Variants in SNX29 observed in about 807,000 individuals in gnomAD.
SNX29 encodes sorting nexin 29, also known as sorting nexin-29.
Under a neutral mutation model 102.1 loss-of-function variants are expected in SNX29, and 78 were observed. The observed-to-expected ratio is 0.76, with a 90% CI of 0.64 to 0.92. The LOEUF is 0.92. SNX29 is among the 40% of genes least tolerant of loss of function. The pLI is 0.00. For synonymous variants in SNX29, 580 were observed against 414.5 expected (o/e 1.40, Z -4.85); for missense variants, 1,280 against 1,061.7 (o/e 1.21, Z -2.86).
chr16:12,569,471 C>T lies in SNX29; in HGVS notation c.*842C>T, dbSNP rs1177766036. Reference sequence around the variant, plus strand: ...CCCTACAGTCATGAGAGACTTGGGTCAGGGAACCACTGCAGAAGGTTCCAG... The same window carrying T: ...CCCTACAGTCATGAGAGACTTGGGTTAGGGAACCACTGCAGAAGGTTCCAG... On this transcript the variant is annotated 3_prime_UTR_variant, in exon 21 of 21. Transcript: ENST00000566228. The T allele has an allele frequency of 1.7e-5, 4 of 231,332 alleles. No homozygotes were observed. The highest frequency in any genetic ancestry group is 3.4e-5 in the Non-Finnish European group (4 of 116,948). The allele number at this position is 231,332 out of a possible 1,614,324, so 14.3% of individuals were successfully genotyped here.
At chr16:12,324,177 T>G (rs1732288800) in intron 15 of SNX29, among the ~76,000 whole-genome samples, 1 of 151,718 alleles carries the variant, frequency 6.6e-6, no homozygotes, top group Admixed American at 6.6e-5. Flanking sequence ...CATGGGCTTT[T>G]GGGGGGGTCC....
intron 20 of SNX29, among the ~76,000 whole-genome samples, chr16:12,566,304 C>CA (rs1328595827): frequency 6.6e-6 from 1 of 152,188 alleles, no homozygotes; most frequent in East Asian, 1.9e-4. Context: ...CACGTGCCTC[C>CA]AAGCTATGTC....
At chr16:12,551,612 C>G (rs993078906) in intron 20 of SNX29, among the ~76,000 whole-genome samples, 2 of 152,190 alleles carry the variant, frequency 1.3e-5, no homozygotes, top group African/African-American at 4.8e-5. Context: ...ACAATTAGAT[C>G]TGAGTCTGAG....
intron 11 of SNX29, among the ~76,000 whole-genome samples, chr16:12,115,915 C>T (rs1040440706): frequency 6.6e-6 from 1 of 152,222 alleles, no homozygotes; most frequent in Non-Finnish European, 1.5e-5. Flanking sequence ...CTTAGGGGAG[C>T]AGCTGTCTTC....
Position 12,565,259 on chromosome 16 carries a change from C to A in SNX29, c.2319-3247C>A, listed in dbSNP as rs564815078. 6.6e-5 allele frequency among the ~76,000 whole-genome samples: 10 copies of A among 152,338 alleles called. No individual in the cohort carries two copies. The East Asian group carries it at 1.7e-3, about 26-fold the overall frequency. On this transcript the variant is annotated intron_variant, in intron 20 of 20. Coordinates refer to ENST00000566228, the MANE Select transcript of SNX29 (RefSeq NM_032167.5). Reference sequence around the variant, plus strand: ...TCTCAATCTATAAAGATGGCAGTTGCAAGAGGTTCAGCCTCACATACGCCA... The same window carrying A: ...TCTCAATCTATAAAGATGGCAGTTGAAAGAGGTTCAGCCTCACATACGCCA...
intron 18 of SNX29, among the ~76,000 whole-genome samples, chr16:12,416,097 C>G (rs546116769): frequency 6.6e-6 from 1 of 152,258 alleles, no homozygotes; most frequent in South Asian, 2.1e-4. Flanking sequence ...CAACTACAGC[C>G]CCTTTGCATC....
At chr16:12,071,286 G>A (rs1168206735) in intron 10 of SNX29, among the ~76,000 whole-genome samples, 2 of 152,050 alleles carry the variant, frequency 1.3e-5, no homozygotes, top group Admixed American at 1.3e-4. Context: ...TTTCTTATAG[G>A]GTTTTTATGG....
At chr16:12,309,469 C>T (rs1384621312) in intron 15 of SNX29, among the ~76,000 whole-genome samples, 5 of 152,132 alleles carry the variant, frequency 3.3e-5, no homozygotes, top group Non-Finnish European at 7.4e-5. Flanking sequence ...CTCTCTTGGC[C>T]CCTCTGTCTC....
chr16:12,362,310 A>G (rs2082322946), intron 16 of SNX29, among the ~76,000 whole-genome samples: 1 of 152,196 alleles, frequency 6.6e-6, no homozygotes, highest in African/African-American at 2.4e-5. Context: ...CTGGCAGTCC[A>G]CAGGGCTCAG....
intron 14 of SNX29, among the ~76,000 whole-genome samples, chr16:12,241,188 G>T (rs1444175548): frequency 6.6e-6 from 1 of 152,084 alleles, no homozygotes; most frequent in Non-Finnish European, 1.5e-5. Context: ...AGCTGCCTAG[G>T]TTGCTTTTAA....
At chr16:12,132,167 C>T (rs1037927957) in intron 13 of SNX29, among the ~76,000 whole-genome samples, 5 of 150,768 alleles carry the variant, frequency 3.3e-5, no homozygotes, top group Admixed American at 2.7e-4. Flanking sequence ...GGCATGATCT[C>T]GGCTCACTGC....
Position 12,573,247 on chromosome 16 carries a change from C to T in SNX29, c.*4618C>T, listed in dbSNP as rs1275140676. On this transcript the variant is annotated 3_prime_UTR_variant, in exon 21 of 21. Transcript: ENST00000566228. ...TCATCCCATGGTTGTTGAAATGTAC[C>T]TCGATCAGTCATCTCTGGTATTCCT... 2 of 227,032 alleles carry T rather than the reference C, an allele frequency of 8.8e-6. No homozygotes were observed. The highest frequency in any genetic ancestry group is 2.2e-5 in the African/African-American group (1 of 45,026). 14.1% of individuals were successfully genotyped at this position (227,032 alleles called of 1,614,324 possible).
At chr16:12,530,624 C>G (rs556185542) in intron 20 of SNX29, among the ~76,000 whole-genome samples, 4 of 151,776 alleles carry the variant, frequency 2.6e-5, no homozygotes, top group Admixed American at 2.0e-4. Context: ...GGCGCAATCT[C>G]AGCTCACTGC....
chr16:12,272,154 G>C (rs1281278944), intron 14 of SNX29, among the ~76,000 whole-genome samples: 2 of 152,134 alleles, frequency 1.3e-5, no homozygotes, highest in Non-Finnish European at 2.9e-5. Context: ...AGGTCAAAAA[G>C]CTTATTTCTG....
chr16:12,446,442 C>A (rs556404727), intron 18 of SNX29, among the ~76,000 whole-genome samples: 2 of 152,186 alleles, frequency 1.3e-5, no homozygotes, highest in East Asian at 1.9e-4. Flanking sequence ...TGTTCTTTAT[C>A]ATCTGGTGGG....
intron 18 of SNX29, among the ~76,000 whole-genome samples, chr16:12,441,840 G>C (rs376948139): frequency 6.6e-6 from 1 of 152,140 alleles, no homozygotes; most frequent in East Asian, 1.9e-4. Flanking sequence ...CCAGGCTGGC[G>C]TGCAGTGGCG....
Position 12,572,115 on chromosome 16 carries a change from G to A in SNX29, c.*3486G>A. 6.8e-6 allele frequency: 7 copies of A among 1,036,788 alleles called. No individual in the cohort carries two copies. Among genetic ancestry groups the A allele is most frequent in the South Asian group, 4.7e-5 (1 of 21,412 alleles). 64.2% of individuals were successfully genotyped at this position (1,036,788 alleles called of 1,614,324 possible). A position where few individuals can be genotyped will look rare whatever the true frequency, so the allele number is the denominator to read the frequency against. Reference sequence around the variant, plus strand: ...GGGATGTGGACTGGGTCTGATCACAGCCCTTGGCCCTGCTTCATACTTTGG... The same window carrying A: ...GGGATGTGGACTGGGTCTGATCACAACCCTTGGCCCTGCTTCATACTTTGG... On this transcript the variant is annotated 3_prime_UTR_variant, in exon 21 of 21. Coordinates refer to ENST00000566228, the MANE Select transcript of SNX29 (RefSeq NM_032167.5).
chr16:12,117,334 G>A (rs536085262), intron 11 of SNX29, among the ~76,000 whole-genome samples: 124 of 143,784 alleles, frequency 8.6e-4, no homozygotes, highest in Middle Eastern at 4.1e-3. Flanking sequence ...CAATGCGGAC[G>A]AACCGTGGAA....
chr16:12,546,954 C>A (rs908221142), intron 20 of SNX29, among the ~76,000 whole-genome samples: 4 of 152,118 alleles, frequency 2.6e-5, no homozygotes, highest in East Asian at 3.9e-4. Flanking sequence ...AATTCCCCAC[C>A]CCTCCATCCA....
Sources: allele counts gnomAD v4.1 joint callset (sites outside exome capture counted in the v4.1 genomes callset), GRCh38; gene constraint gnomAD v4.1.1; transcripts MANE v1.5; gene names NCBI Gene and HGNC (gene_info 2026-07-23, HGNC 2026-07-21).